SPC25: variants seen among roughly 807,000 people sequenced by gnomAD.
SPC25 encodes the protein SPC25 component of NDC80 kinetochore complex.
SPC25 carries 22 observed loss-of-function variants against 29.6 expected under a neutral mutation model. The ratio of observed to expected loss-of-function variants is 0.74; its 90% CI spans 0.53 to 1.06. SPC25 has a LOEUF of 1.06. SPC25 is among the 50% of genes least tolerant of loss of function. The pLI is 0.00. For synonymous variants in SPC25, 91 were observed against 90.4 expected, an observed-to-expected ratio of 1.01 and a Z score of -0.04; for missense variants, 230 against 255.8, an observed-to-expected ratio of 0.90 and a Z score of 0.69.
chr2:168,869,927 A>G (rs1310352020), downstream of SPC25, among the ~76,000 whole-genome samples: 1 of 152,030 alleles, frequency 6.6e-6, no homozygotes, highest in Non-Finnish European at 1.5e-5. Flanking sequence ...GAACAAAGCC[A>G]GAGGCATCAC....
Position 168,890,344 on chromosome 2 carries a change from G to C in SPC25, c.-41C>G. On this transcript the variant is annotated 5_prime_UTR_variant, in exon 1 of 7. Transcript: ENST00000282074. Reference sequence around the variant, plus strand: ...TTCGCAGGCAGGCCTGAGTCCCGCCGCCTTCCCCACACCAGATCCGCGCCC... The same window carrying C: ...TTCGCAGGCAGGCCTGAGTCCCGCCCCCTTCCCCACACCAGATCCGCGCCC... The C allele has an allele frequency of 1.0e-6, 1 of 985,514 alleles. No individual in the cohort carries two copies. The highest frequency in any genetic ancestry group is 1.2e-6 in the Non-Finnish European group (1 of 830,036). The allele number at this position is 985,514 out of a possible 1,614,324, so 61.0% of individuals were successfully genotyped here.
intron 5 of SPC25, among the ~76,000 whole-genome samples, chr2:168,874,004 TTGAA>T (rs1690042673): frequency 6.6e-6 from 1 of 152,078 alleles, no homozygotes; most frequent in Non-Finnish European, 1.5e-5. Flanking sequence ...CTGATAAAGG[TTGAA>T]TACATAGAAT....
intron 5 of SPC25, among the ~76,000 whole-genome samples, chr2:168,874,426 G>T (rs1390522805): frequency 1.3e-5 from 2 of 152,142 alleles, no homozygotes; most frequent in Non-Finnish European, 2.9e-5. Context: ...ATAACTGTAT[G>T]CCAATGTTCA....
intron 4 of SPC25, among the ~76,000 whole-genome samples, chr2:168,864,285 GTT>G (rs60068017): frequency 1.3e-5 from 2 of 148,562 alleles, no homozygotes; most frequent in East Asian, 2.0e-4. Flanking sequence ...CTGTGATCCT[GTT>G]TTTTTTTTTC....
At chr2:168,885,828 C>T (rs1310152347) in intron 3 of SPC25, among the ~76,000 whole-genome samples, 2 of 152,162 alleles carry the variant, frequency 1.3e-5, no homozygotes, top group Non-Finnish European at 2.9e-5. Flanking sequence ...CTTAACCTCT[C>T]TGTGCTTATT....
At chr2:168,866,919 T>G (rs1254112032), downstream of SPC25, among the ~76,000 whole-genome samples, 1 of 152,122 alleles carries the variant, frequency 6.6e-6, no homozygotes, top group African/African-American at 2.4e-5. Context: ...AAAACCACAA[T>G]GAGATACCAT....
At chr2:168,890,143 C>A (rs1023228908) in intron 1 of SPC25, among the ~76,000 whole-genome samples, 175 bp downstream of exon 1, 5 of 152,190 alleles carry the variant, frequency 3.3e-5, no homozygotes, top group Admixed American at 1.3e-4. Flanking sequence ...TGCAGTGAAA[C>A]CCAGAACGCT....
At chr2:168,887,431 A>AAAAAAAAAAAAAAAAAAG (rs1559157968) in intron 3 of SPC25, among the ~76,000 whole-genome samples, 26 of 133,538 alleles carry the variant, frequency 1.9e-4, no homozygotes, top group African/African-American at 8.0e-4. Context: ...CAAAAAAAAA[A>AAAAAAAAAAAAAAAAAAG]AAAGAAAGAA....
At chr2:168,876,827 A>G (rs1690095294) in intron 4 of SPC25, among the ~76,000 whole-genome samples, 1 of 152,164 alleles carries the variant, frequency 6.6e-6, no homozygotes, top group Non-Finnish European at 1.5e-5. Context: ...TTTGAATATG[A>G]AAGTTCTTTA....
At chr2:168,888,980 C>T (rs1690327018) in intron 3 of SPC25, among the ~76,000 whole-genome samples, 1 of 128,442 alleles carries the variant, frequency 7.8e-6, no homozygotes, top group Admixed American at 7.9e-5. Flanking sequence ...TATACACACA[C>T]ACATATATAT....
intron 3 of SPC25, among the ~76,000 whole-genome samples, chr2:168,887,023 T>TCA (rs1046614297): frequency 5.1e-4 from 77 of 152,184 alleles, no homozygotes; most frequent in African/African-American, 1.8e-3. Flanking sequence ...TATCACTCTT[T>TCA]CACACACACA....
chr2:168,874,979 G>C (rs114962253), intron 5 of SPC25, among the ~76,000 whole-genome samples: 90 of 152,250 alleles, frequency 5.9e-4, no homozygotes, highest in Non-Finnish European at 1.1e-3. Flanking sequence ...ACCTGAGAGT[G>C]ATCTTGGGAA....
Position 168,884,670 on chromosome 2 carries a change from T to G in SPC25, c.199+4556A>C, listed in dbSNP as rs534009017. On this transcript the variant is annotated intron_variant, in intron 3 of 6. Coordinates refer to ENST00000282074, the MANE Select transcript of SPC25 (RefSeq NM_020675.4). ...CTCTCTTACTTCCTCTGTTCTCCAA[T>G]TACGAATTCTGTCTTTCCTGGTCGT... is the stretch of plus-strand genomic sequence containing the variant. Among the ~76,000 whole-genome samples the G allele has an allele frequency of 8.5e-5, 13 of 152,330 alleles. No homozygotes were observed. The East Asian group carries it at 2.5e-3, about 29-fold the overall frequency.
downstream of SPC25, among the ~76,000 whole-genome samples, chr2:168,869,854 T>C (rs1187716761): frequency 6.6e-6 from 1 of 151,956 alleles, no homozygotes; most frequent in Non-Finnish European, 1.5e-5. Flanking sequence ...TGGAAAAAAC[T>C]ACTTTAAAGT....
chr2:168,868,509 A>C (rs1011605734), downstream of SPC25, among the ~76,000 whole-genome samples: 6 of 152,204 alleles, frequency 3.9e-5, no homozygotes, highest in African/African-American at 1.4e-4. Context: ...CGCAATAAAA[A>C]ATGATAAAGG....
chr2:168,871,338 A>G lies in SPC25; in HGVS notation c.*93T>C. ...CCTGCACATTGTGCACATGTACCCT[A>G]AAACTTAAAGTATAATAATAATAAA... On this transcript the variant is annotated 3_prime_UTR_variant, in exon 7 of 7. Coordinates refer to ENST00000282074, the MANE Select transcript of SPC25 (RefSeq NM_020675.4). The G allele has an allele frequency of 3.9e-6, 5 of 1,273,544 alleles. No individual in the cohort carries two copies. Among genetic ancestry groups the G allele is most frequent in the Non-Finnish European group, 5.3e-6 (5 of 948,988 alleles). The allele number at this position is 1,273,544 out of a possible 1,614,324, so 78.9% of individuals were successfully genotyped here. A position where few individuals can be genotyped will look rare whatever the true frequency, so the allele number is the denominator to read the frequency against.
At chr2:168,883,299 G>A (rs1254027040) in intron 3 of SPC25, among the ~76,000 whole-genome samples, 1 of 152,054 alleles carries the variant, frequency 6.6e-6, no homozygotes, top group East Asian at 1.9e-4. Flanking sequence ...AAGCTAGAAA[G>A]TTGTTTTGTT....
At chr2:168,863,725 T>C (rs988526120) in intron 4 of SPC25, 27 of 893,528 alleles carry the variant, frequency 3.0e-5, no homozygotes, top group Non-Finnish European at 3.6e-5. Flanking sequence ...AGACATTGTC[T>C]TGATCTTAAG....
downstream of SPC25, among the ~76,000 whole-genome samples, chr2:168,866,463 T>C (rs1267734793): frequency 6.6e-6 from 1 of 152,244 alleles, no homozygotes; most frequent in African/African-American, 2.4e-5. Flanking sequence ...TTACACCTTA[T>C]ACAAAAATTA....
Sources: allele counts gnomAD v4.1 joint callset (sites outside exome capture counted in the v4.1 genomes callset), GRCh38; gene constraint gnomAD v4.1.1; transcripts MANE v1.5; gene names NCBI Gene and HGNC (gene_info 2026-07-23, HGNC 2026-07-21).